The following TMEM117 variants were observed in gnomAD, a reference collection of about 807,000 sequenced individuals.
TMEM117 encodes the protein transmembrane protein 117.
TMEM117 carries 27 observed loss-of-function variants against 52.4 expected under a neutral mutation model. That is an observed-to-expected ratio of 0.51 (90% CI 0.38 to 0.71). The LOEUF is 0.71. Ranked by LOEUF, TMEM117 falls within the 30% of genes least tolerant of loss-of-function variation. The probability of loss-of-function intolerance (pLI) is 0.00; values close to 1 mark genes in which losing one functional copy is unlikely to be tolerated. For missense variants in TMEM117, 556 were observed against 630.5 expected, an observed-to-expected ratio of 0.88 and a Z score of 1.26; for synonymous variants, 215 against 206.3, an observed-to-expected ratio of 1.04 and a Z score of -0.36.
At chr12:44,101,997 T>C (rs943061019) in intron 3 of TMEM117, among the ~76,000 whole-genome samples, 1 of 152,070 alleles carries the variant, frequency 6.6e-6, no homozygotes, top group Non-Finnish European at 1.5e-5. Context: ...TAGTTCTTGT[T>C]TTTAGATCAC....
At chr12:44,153,437 T>G (rs1948783698) in intron 4 of TMEM117, among the ~76,000 whole-genome samples, 1 of 152,042 alleles carries the variant, frequency 6.6e-6, no homozygotes, top group Non-Finnish European at 1.5e-5. Context: ...GTCAATTGAA[T>G]TTGTTGAATT....
chr12:44,052,602 C>T (rs951083585), intron 3 of TMEM117, among the ~76,000 whole-genome samples: 3 of 152,156 alleles, frequency 2.0e-5, no homozygotes, highest in Non-Finnish European at 4.4e-5. Flanking sequence ...TTTCTACCCT[C>T]ATTTCCCAGA....
intron 3 of TMEM117, among the ~76,000 whole-genome samples, chr12:44,059,431 G>T (rs186708928): frequency 6.6e-6 from 1 of 152,114 alleles, no homozygotes; most frequent in Non-Finnish European, 1.5e-5. Context: ...GTTTTTGAGA[G>T]AATTCTGCCA....
intron 3 of TMEM117, among the ~76,000 whole-genome samples, chr12:44,076,499 G>A (rs1947384859): frequency 6.6e-6 from 1 of 152,140 alleles, no homozygotes; most frequent in Admixed American, 6.6e-5. Context: ...TTATTGTGGT[G>A]TTAGAAAGGT....
At chr12:43,896,948 A>G (rs960425703) in intron 2 of TMEM117, among the ~76,000 whole-genome samples, 5 of 152,218 alleles carry the variant, frequency 3.3e-5, no homozygotes, top group African/African-American at 1.2e-4. Flanking sequence ...GCTGCTCAAG[A>G]GAACAAATAG....
intron 3 of TMEM117, among the ~76,000 whole-genome samples, chr12:44,140,632 A>T (rs1028560058): frequency 2.0e-5 from 3 of 152,076 alleles, no homozygotes; most frequent in East Asian, 3.9e-4. Flanking sequence ...TCCACAAAAC[A>T]TTTACTTTTT....
intron 4 of TMEM117, among the ~76,000 whole-genome samples, chr12:44,208,412 C>G (rs1489655406): frequency 6.6e-6 from 1 of 152,040 alleles, no homozygotes; most frequent in Non-Finnish European, 1.5e-5. Context: ...ATTCTAATAC[C>G]TGCCTGTGAG....
the TMEM117 span, among the ~76,000 whole-genome samples, chr12:43,827,833 A>G: frequency 6.6e-6 from 1 of 152,180 alleles, no homozygotes; most frequent in Non-Finnish European, 1.5e-5. Context: ...TCAAGAAGAA[A>G]TCTTCCTGGA....
At chr12:44,279,515 CTT>C (rs769225066) in intron 5 of TMEM117, among the ~76,000 whole-genome samples, 15 of 137,206 alleles carry the variant, frequency 1.1e-4, no homozygotes, top group Admixed American at 3.0e-4. Context: ...TTCTTTTCTT[CTT>C]TTTTTTTTTT....
At position 44,013,406 on chromosome 12, in the gene TMEM117, C is replaced by G. The variant is rs527616799; in HGVS notation, c.410+69064C>G. On this transcript the variant is annotated intron_variant, in intron 3 of 7. Transcript: ENST00000266534. ...CTTCACAGTTTTTCCCCAACTTAGG[C>G]TGGATATGATGGCTAGGGTGGTCTG... 3.3e-5 allele frequency among the ~76,000 whole-genome samples: 5 copies of G among 152,234 alleles called. No individual in the cohort carries two copies. The South Asian group carries it at 1.0e-3, about 32-fold the overall frequency.
At chr12:44,262,390 A>G (rs1384875846) in intron 5 of TMEM117, among the ~76,000 whole-genome samples, 1 of 152,208 alleles carries the variant, frequency 6.6e-6, no homozygotes, top group Admixed American at 6.5e-5. Context: ...AACATGACCA[A>G]GGATCCTGTG....
chr12:44,254,507 T>C (rs549428306), intron 5 of TMEM117, among the ~76,000 whole-genome samples: 14 of 152,132 alleles, frequency 9.2e-5, no homozygotes, highest in African/African-American at 3.1e-4. Context: ...AAAGTAAACA[T>C]TCTCATACTC....
intron 6 of TMEM117, among the ~76,000 whole-genome samples, chr12:44,345,414 G>A (rs1951472259): frequency 6.6e-6 from 1 of 152,034 alleles, no homozygotes; most frequent in South Asian, 2.1e-4. Context: ...TGTATAGATG[G>A]GGGAGACCTT....
intron 3 of TMEM117, among the ~76,000 whole-genome samples, chr12:43,949,714 T>C (rs1333425075): frequency 6.6e-6 from 1 of 152,132 alleles, no homozygotes; most frequent in Non-Finnish European, 1.5e-5. Flanking sequence ...CTGACATTCC[T>C]GAGGAGGGCC....
At chr12:44,271,571 C>A (rs1950446209) in intron 5 of TMEM117, among the ~76,000 whole-genome samples, 2 of 151,972 alleles carry the variant, frequency 1.3e-5, no homozygotes, top group African/African-American at 4.8e-5. Flanking sequence ...GGTTTTTGAT[C>A]CTCCACTCAT....
At chr12:44,089,860 A>G (rs1050954386) in intron 3 of TMEM117, among the ~76,000 whole-genome samples, 3 of 152,212 alleles carry the variant, frequency 2.0e-5, no homozygotes, top group Non-Finnish European at 2.9e-5. Context: ...AAACAGCCAT[A>G]GACAATTCTT....
At chr12:44,219,150 A>G (rs1949756725) in intron 5 of TMEM117, among the ~76,000 whole-genome samples, 1 of 152,186 alleles carries the variant, frequency 6.6e-6, no homozygotes, top group South Asian at 2.1e-4. Flanking sequence ...CTTATGTTCT[A>G]TTACCCTTTT....
In TMEM117 at chr12:43,956,465, T is replaced by G. The variant is rs542438517; in HGVS notation, c.410+12123T>G. Among the ~76,000 whole-genome samples, 9 of 76,372 alleles carry G rather than the reference T, an allele frequency of 1.2e-4. No individual in the cohort carries two copies. In the South Asian group the frequency reaches 3.3e-3, roughly 28 times the overall value. The allele number at this position is 76,372 out of a possible 152,430, so 50.1% of individuals were successfully genotyped here. A position where few individuals can be genotyped will look rare whatever the true frequency, so the allele number is the denominator to read the frequency against. On this transcript the variant is annotated intron_variant, in intron 3 of 7. Transcript: ENST00000266534. ...TTACAAGGTAAAAACACAACCCTGT[T>G]AAAAAGTGGGCAAAGGATATAAACA... is the stretch of plus-strand genomic sequence containing the variant.
chr12:43,854,785 C>T (rs557899354), intron 2 of TMEM117, among the ~76,000 whole-genome samples: 123 of 152,054 alleles, frequency 8.1e-4, no homozygotes, highest in African/African-American at 2.2e-3. Context: ...TACAGGTGTC[C>T]ACCACCACAC....
Sources: gnomAD v4.1 joint callset for allele counts (sites outside exome capture counted in the v4.1 genomes callset) on GRCh38, gnomAD v4.1.1 for gene constraint, MANE v1.5 for transcripts, NCBI Gene and HGNC (gene_info 2026-07-23, HGNC 2026-07-21) for gene names.